Variants in DLGAP4 observed in about 807,000 individuals in gnomAD.
DLGAP4 encodes DLG associated protein 4.
DLGAP4 carries 18 observed loss-of-function variants against 86.9 expected under a neutral mutation model. The observed-to-expected ratio is 0.21, with a 90% CI of 0.14 to 0.31. DLGAP4 has a LOEUF of 0.31. Among genes scored for constraint, DLGAP4 ranks in the 10% least tolerant of loss-of-function variants. The pLI is 1.00. For missense variants in DLGAP4, 1,085 were observed against 1,362.6 expected (o/e 0.80, Z 3.21); for synonymous variants, 548 against 574.3 (o/e 0.95, Z 0.65).
At chr20:36,469,866 G>T (rs1259552451) in intron 7 of DLGAP4, among the ~76,000 whole-genome samples, 1 of 152,106 alleles carries the variant, frequency 6.6e-6, no homozygotes, top group African/African-American at 2.4e-5. Flanking sequence ...CTGGGGGAAC[G>T]TTGCCCAAGG....
intron 7 of DLGAP4, among the ~76,000 whole-genome samples, chr20:36,493,833 C>T (rs1033707483): frequency 6.6e-6 from 1 of 152,268 alleles, no homozygotes; most frequent in African/African-American, 2.4e-5. Flanking sequence ...CGATCTCCAC[C>T]TCACAGGCTC....
Position 36,393,490 on chromosome 20 carries a change from G to T in DLGAP4, c.-73+26215G>T, listed in dbSNP as rs1600475205. Among the ~76,000 whole-genome samples the T allele has an allele frequency of 6.6e-6, 1 of 152,266 alleles. No individual in the cohort carries two copies. The highest frequency in any genetic ancestry group is 2.4e-5 in the African/African-American group (1 of 41,556). ...TGGGGTCTGGAAACCCAGCCCTCTT[G>T]GTAAGCTGGGAAGTATGGGGCTGGC... On this transcript the variant is annotated intron_variant, in intron 2 of 12. Transcript: ENST00000339266. The surrounding 1 kb of genome is among the most constrained non-coding windows in gnomAD (Gnocchi z 4.4).
intron 2 of DLGAP4, among the ~76,000 whole-genome samples, chr20:36,377,376 C>T (rs2031198386): frequency 6.6e-6 from 1 of 152,190 alleles, no homozygotes; most frequent in South Asian, 2.1e-4. Context: ...CTTCTCTGAA[C>T]CTTGGTTTCC....
chr20:36,501,064 CTTTTT>C (rs11480703), intron 10 of DLGAP4, among the ~76,000 whole-genome samples: 1 of 138,126 alleles, frequency 7.2e-6, no homozygotes, highest in Non-Finnish European at 1.6e-5. Flanking sequence ...CCTTCAACAA[CTTTTT>C]TTTTTTTTTT....
chr20:36,479,847 A>C (rs1462597493), intron 7 of DLGAP4, among the ~76,000 whole-genome samples: 9 of 152,086 alleles, frequency 5.9e-5, no homozygotes, highest in African/African-American at 2.2e-4. Context: ...CTTGGACAGG[A>C]TGAGACCCCT....
intron 2 of DLGAP4, among the ~76,000 whole-genome samples, chr20:36,395,859 G>A (rs531264316): frequency 3.9e-5 from 6 of 152,234 alleles, no homozygotes; most frequent in Admixed American, 2.6e-4. Flanking sequence ...ATATTTGATC[G>A]CTTATGGCCC....
rs45498398 is a variant in DLGAP4, at chr20:36,432,902, C to A, written c.999+186C>A. ...GTCCTTCCACTGGTCATGCTCTCAA[C>A]AGAGATTAATTAGGGCCTTTCTGAG... On this transcript the variant is annotated intron_variant, in intron 3 of 12. Coordinates refer to ENST00000339266, the MANE Select transcript of DLGAP4 (RefSeq NM_001365621.2). This position sits in a 1 kb window ranked among gnomAD's most constrained non-coding sequence, Gnocchi z 6.5. Among the ~76,000 whole-genome samples, 1 of 152,176 alleles carries A rather than the reference C, an allele frequency of 6.6e-6. No individual in the cohort carries two copies. Among genetic ancestry groups the A allele is most frequent in the Non-Finnish European group, 1.5e-5 (1 of 68,034 alleles).
intron 7 of DLGAP4, among the ~76,000 whole-genome samples, chr20:36,494,126 T>C (rs2147755917): frequency 6.6e-6 from 1 of 152,332 alleles, no homozygotes; most frequent in East Asian, 1.9e-4. Context: ...CAGGTGTCTG[T>C]CTGGGGGATC....
chr20:36,359,303 A>G (rs748113246), intron 1 of DLGAP4, among the ~76,000 whole-genome samples: 52 of 152,122 alleles, frequency 3.4e-4, no homozygotes, highest in Non-Finnish European at 6.5e-4. Context: ...TTGTATAAAA[A>G]TCAGTCTTTT....
intron 2 of DLGAP4, among the ~76,000 whole-genome samples, chr20:36,415,195 G>A (rs2032617573): frequency 6.6e-6 from 1 of 152,232 alleles, no homozygotes; most frequent in South Asian, 2.1e-4. Flanking sequence ...GAACCTGGAG[G>A]TGGAGGTTGC....
At position 36,377,761 on chromosome 20, in the gene DLGAP4, T is replaced by C. The variant is rs376539207; in HGVS notation, c.-73+10486T>C. ...AGAGTTGGCAGGTTGGGGCGGCGGA[T>C]GCCATCCGCCTCCCATATGCTTCCT... On this transcript the variant is annotated intron_variant, in intron 2 of 12. Transcript: ENST00000339266. Among the ~76,000 whole-genome samples the C allele has an allele frequency of 4.4e-4, 67 of 152,300 alleles. No individual in the cohort carries two copies. The South Asian group carries it at 0.013, about 31-fold the overall frequency.
At chr20:36,503,162 T>TG (rs776658831) in intron 10 of DLGAP4, among the ~76,000 whole-genome samples, 4 of 152,232 alleles carry the variant, frequency 2.6e-5, no homozygotes, top group Non-Finnish European at 4.4e-5. Context: ...TGTTTTTTGT[T>TG]GGACTTCCTC....
At chr20:36,515,961 G>C (rs752868579) in intron 10 of DLGAP4, among the ~76,000 whole-genome samples, 5 of 152,184 alleles carry the variant, frequency 3.3e-5, no homozygotes, top group Non-Finnish European at 7.4e-5. Flanking sequence ...CTTGCAGTTT[G>C]ATGCCATTAA....
intron 1 of DLGAP4, among the ~76,000 whole-genome samples, chr20:36,313,404 G>C (rs1030690861): frequency 2.1e-4 from 32 of 152,324 alleles, no homozygotes; most frequent in African/African-American, 6.3e-4. Context: ...GCTGAACAGG[G>C]CCCAAGTTGG....
chr20:36,418,945 C>G (rs375664147), intron 2 of DLGAP4, among the ~76,000 whole-genome samples: 4 of 152,020 alleles, frequency 2.6e-5, no homozygotes, highest in African/African-American at 7.2e-5. Flanking sequence ...GAAGGAATCC[C>G]GGAATCTCAA....
intron 2 of DLGAP4, among the ~76,000 whole-genome samples, chr20:36,378,227 G>A (rs2031235694): frequency 6.6e-6 from 1 of 152,176 alleles, no homozygotes; most frequent in Non-Finnish European, 1.5e-5. Context: ...TCCTGTCTCT[G>A]TGATCTCAGG....
intron 1 of DLGAP4, among the ~76,000 whole-genome samples, chr20:36,307,280 C>G (rs372344369): frequency 6.6e-6 from 1 of 152,190 alleles, no homozygotes; most frequent in East Asian, 1.9e-4. Context: ...GGCGGATGGA[C>G]CAGGTGGCCG....
At chr20:36,398,243 G>A (rs2032057164) in intron 2 of DLGAP4, among the ~76,000 whole-genome samples, 1 of 152,196 alleles carries the variant, frequency 6.6e-6, no homozygotes, top group South Asian at 2.1e-4. Flanking sequence ...AGGGCTGTCG[G>A]ACCCAAGAGG....
chr20:36,336,345 G>A (rs2065322079), intron 1 of DLGAP4, among the ~76,000 whole-genome samples: 1 of 152,084 alleles, frequency 6.6e-6, no homozygotes, highest in Non-Finnish European at 1.5e-5. Context: ...TGCGCTTGCT[G>A]TTTCCTCTGC....
Sources: gnomAD v4.1 joint callset for allele counts (sites outside exome capture counted in the v4.1 genomes callset) on GRCh38, gnomAD v4.1.1 for gene constraint, Gnocchi (gnomAD v3.1) non-coding constraint, MANE v1.5 for transcripts, NCBI Gene and HGNC (gene_info 2026-07-23, HGNC 2026-07-21) for gene names.